ROR1: variants seen among roughly 807,000 people sequenced by gnomAD.
ROR1 encodes ROR family WNT receptor 1, also known as inactive tyrosine-protein kinase transmembrane receptor ROR1.
Under a neutral mutation model 78.8 loss-of-function variants are expected in ROR1, and 19 were observed. That is an observed-to-expected ratio of 0.24 (90% CI 0.17 to 0.35). ROR1 has a LOEUF of 0.35. Among genes scored for constraint, ROR1 ranks in the 10% least tolerant of loss-of-function variants. The pLI is 1.00. For missense variants in ROR1, 917 were observed against 1,177.8 expected, an observed-to-expected ratio of 0.78 and a Z score of 3.24; for synonymous variants, 386 against 433.6, an observed-to-expected ratio of 0.89 and a Z score of 1.36.
intron 1 of ROR1, among the ~76,000 whole-genome samples, chr1:63,810,412 A>G (rs1249044343): frequency 6.6e-6 from 1 of 152,124 alleles, no homozygotes; most frequent in Non-Finnish European, 1.5e-5. Flanking sequence ...TTACTTAACT[A>G]TGTGTCCAGA....
intron 1 of ROR1, among the ~76,000 whole-genome samples, chr1:63,818,173 A>T (rs1644903570): frequency 6.6e-6 from 1 of 152,046 alleles, no homozygotes. Flanking sequence ...AAAGATTCTT[A>T]CTCTTCTCAT....
chr1:63,987,895 T>G (rs1183884234), intron 1 of ROR1, among the ~76,000 whole-genome samples: 1 of 152,210 alleles, frequency 6.6e-6, no homozygotes, highest in Non-Finnish European at 1.5e-5. Context: ...ACTGTAGCCC[T>G]GCTGCATTGC....
intron 7 of ROR1, among the ~76,000 whole-genome samples, chr1:64,144,296 A>T (rs1473922926): frequency 2.0e-5 from 3 of 152,174 alleles, no homozygotes; most frequent in Non-Finnish European, 4.4e-5. Flanking sequence ...CCAAAAAGAG[A>T]TACTGAGGAG....
intron 4 of ROR1, among the ~76,000 whole-genome samples, chr1:64,108,584 G>T (rs1469939216): frequency 2.6e-5 from 4 of 152,190 alleles, no homozygotes; most frequent in South Asian, 4.2e-4. Context: ...AGCTGGCCGT[G>T]GGAATCACTA....
At chr1:63,893,537 C>T (rs920531853) in intron 1 of ROR1, among the ~76,000 whole-genome samples, 4 of 152,134 alleles carry the variant, frequency 2.6e-5, no homozygotes, top group African/African-American at 7.2e-5. Context: ...CAAGAGTATC[C>T]TTCATGATGT....
intron 1 of ROR1, among the ~76,000 whole-genome samples, chr1:63,794,152 T>C (rs1348234384): frequency 1.3e-5 from 2 of 152,204 alleles, no homozygotes; most frequent in Non-Finnish European, 1.5e-5. Context: ...AGTCAAAATA[T>C]GGGCTCCGAG....
At chr1:63,895,959 C>A (rs1337423698) in intron 1 of ROR1, among the ~76,000 whole-genome samples, 2 of 151,988 alleles carry the variant, frequency 1.3e-5, no homozygotes, top group East Asian at 1.9e-4. Flanking sequence ...GTTCTGGATA[C>A]CCTCTGTTCA....
At chr1:63,985,114 G>A (rs1455065616) in intron 1 of ROR1, among the ~76,000 whole-genome samples, 1 of 151,956 alleles carries the variant, frequency 6.6e-6, no homozygotes, top group Admixed American at 6.6e-5. Context: ...TGAGTCCCTG[G>A]GTCTCCGCAC....
At chr1:63,881,410 T>C (rs906510537) in intron 1 of ROR1, among the ~76,000 whole-genome samples, 2 of 152,126 alleles carry the variant, frequency 1.3e-5, no homozygotes, top group Non-Finnish European at 2.9e-5. Context: ...GGCAGTCAAA[T>C]TGGTTCCCGG....
chr1:63,815,478 CTTT>C (rs1446331528), intron 1 of ROR1, among the ~76,000 whole-genome samples: 2 of 103,508 alleles, frequency 1.9e-5, no homozygotes, highest in African/African-American at 1.1e-4. Context: ...CTTTTCTTTT[CTTT>C]TTCTTTTTTT....
At chr1:63,977,450 A>G (rs959687131) in intron 1 of ROR1, among the ~76,000 whole-genome samples, 1 of 152,140 alleles carries the variant, frequency 6.6e-6, no homozygotes, top group African/African-American at 2.4e-5. Context: ...TTTTTGGGTT[A>G]GGGATGCTCA....
chr1:63,865,760 A>G (rs1004416913), intron 1 of ROR1, among the ~76,000 whole-genome samples: 1 of 152,210 alleles, frequency 6.6e-6, no homozygotes, highest in Non-Finnish European at 1.5e-5. Context: ...CACTAAACAA[A>G]TATTTTATTG....
intron 2 of ROR1, among the ~76,000 whole-genome samples, chr1:64,022,610 A>G (rs1646573776): frequency 6.6e-6 from 1 of 152,324 alleles, no homozygotes; most frequent in South Asian, 2.1e-4. Context: ...ACCCCAGGCC[A>G]TTCACTAAAC....
At chr1:64,045,736 C>T (rs535803747) in intron 2 of ROR1, among the ~76,000 whole-genome samples, 150 of 152,182 alleles carry the variant, frequency 9.9e-4, no homozygotes, top group Non-Finnish European at 1.6e-3. Flanking sequence ...GTATTACCAC[C>T]ATCATTATGA....
intron 2 of ROR1, among the ~76,000 whole-genome samples, chr1:64,013,721 G>A (rs1182576593): frequency 6.6e-6 from 1 of 152,166 alleles, no homozygotes; most frequent in Non-Finnish European, 1.5e-5. Context: ...GACATCAACA[G>A]TGCTCCAAAT....
chr1:64,139,642 C>T (rs1649236433), intron 5 of ROR1, among the ~76,000 whole-genome samples: 1 of 152,114 alleles, frequency 6.6e-6, no homozygotes, highest in South Asian at 2.1e-4. Context: ...AGAAATTAAG[C>T]AAGTTACCCT....
chr1:64,155,737 C>G lies in ROR1; in HGVS notation c.1175-3244C>G, dbSNP rs1290316674. ...TGGCCTGGAAAAATGACTAGCATTG[C>G]GTTAGTACTAAATTAGCCTCATCGC... is the stretch of plus-strand genomic sequence containing the variant. On this transcript the variant is annotated intron_variant, in intron 7 of 8. Coordinates refer to ENST00000371079, the MANE Select transcript of ROR1 (RefSeq NM_005012.4). Among the ~76,000 whole-genome samples the G allele has an allele frequency of 2.0e-5, 3 of 152,114 alleles. No homozygotes were observed. In the South Asian group the frequency reaches 6.2e-4, roughly 32 times the overall value.
At chr1:63,883,196 G>T (rs1044713896) in intron 1 of ROR1, among the ~76,000 whole-genome samples, 1 of 151,890 alleles carries the variant, frequency 6.6e-6, no homozygotes, top group Non-Finnish European at 1.5e-5. Flanking sequence ...GGGCTCAAAG[G>T]TCCTTCCAAC....
chr1:64,046,478 T>G (rs1016252496), intron 2 of ROR1, among the ~76,000 whole-genome samples: 1 of 152,212 alleles, frequency 6.6e-6, no homozygotes, highest in African/African-American at 2.4e-5. Flanking sequence ...TCTACTACAC[T>G]GATTTCAAGG....
Sources: gnomAD v4.1 joint callset for allele counts (sites outside exome capture counted in the v4.1 genomes callset) on GRCh38, gnomAD v4.1.1 for gene constraint, MANE v1.5 for transcripts, NCBI Gene and HGNC (gene_info 2026-07-23, HGNC 2026-07-21) for gene names.